BCAS3: variants seen among roughly 807,000 people sequenced by gnomAD.
BCAS3 encodes the protein BCAS3 microtubule associated cell migration factor, also known as BCAS4/BCAS3 fusion.
Under a neutral mutation model 116.1 loss-of-function variants are expected in BCAS3, and 53 were observed. The observed-to-expected ratio is 0.46, with a 90% CI of 0.37 to 0.57. The LOEUF (loss-of-function observed/expected upper bound fraction) is 0.57, where lower values mean the gene tolerates loss of function less well. BCAS3 is among the 20% of genes least tolerant of loss of function. The probability of loss-of-function intolerance (pLI) is 0.00; values close to 1 mark genes in which losing one functional copy is unlikely to be tolerated. For missense variants in BCAS3, 917 were observed against 1,165.4 expected, an observed-to-expected ratio of 0.79 and a Z score of 3.10; for synonymous variants, 391 against 408.2, an observed-to-expected ratio of 0.96 and a Z score of 0.51.
chr17:60,839,175 G>A (rs2051650426), intron 7 of BCAS3, among the ~76,000 whole-genome samples: 1 of 151,960 alleles, frequency 6.6e-6, no homozygotes, highest in African/African-American at 2.4e-5. Context: ...TTACCATTGT[G>A]GAACATTAAA....
At chr17:61,006,667 A>T (rs2064738238) in intron 15 of BCAS3, among the ~76,000 whole-genome samples, 1 of 151,966 alleles carries the variant, frequency 6.6e-6, no homozygotes, top group Admixed American at 6.6e-5. Context: ...TAATTCAGGG[A>T]TTTTTCATTA....
intron 22 of BCAS3, among the ~76,000 whole-genome samples, chr17:61,342,488 A>C (rs186055255): frequency 1.3e-5 from 2 of 152,228 alleles, no homozygotes; most frequent in East Asian, 3.9e-4. Flanking sequence ...CTTGATCCTC[A>C]GGCCCAGTGA....
chr17:61,116,520 TTTAGAAAAC>T (rs1182697089), intron 22 of BCAS3, among the ~76,000 whole-genome samples: 1 of 152,174 alleles, frequency 6.6e-6, no homozygotes, highest in Non-Finnish European at 1.5e-5. Context: ...TCACACATAA[TTTAGAAAAC>T]TTAGGAGGAG....
At chr17:61,373,968 A>G (rs1267687849) in intron 23 of BCAS3, among the ~76,000 whole-genome samples, 1 of 148,844 alleles carries the variant, frequency 6.7e-6, no homozygotes, top group Non-Finnish European at 1.5e-5. Context: ...GGCGTGCGCC[A>G]CCATGCCCAG....
chr17:60,727,209 G>T, intron 5 of BCAS3: 3 of 932,544 alleles, frequency 3.2e-6, no homozygotes, highest in South Asian at 1.3e-5. Context: ...TCTCCTCCCG[G>T]TTCAAAATGC....
At chr17:61,143,947 G>A (rs1226821891) in intron 22 of BCAS3, among the ~76,000 whole-genome samples, 3 of 152,220 alleles carry the variant, frequency 2.0e-5, no homozygotes, top group Non-Finnish European at 4.4e-5. Context: ...GAAGCACCAA[G>A]TAGATGGTGA....
rs978788112 is a variant in BCAS3, at chr17:61,136,347, C to T, written c.2425+51783C>T. On this transcript the variant is annotated intron_variant, in intron 22 of 23. Transcript: ENST00000407086. This position sits in a 1 kb window ranked among gnomAD's most constrained non-coding sequence, Gnocchi z 4.4. ...ACAGTAAGCTTTTTCAAGACAGATA[C>T]TGTCTCTTCTTCATCTCTATATCTG... Among the ~76,000 whole-genome samples the T allele has an allele frequency of 2.0e-5, 3 of 152,206 alleles. No individual in the cohort carries two copies. Among genetic ancestry groups the T allele is most frequent in the African/African-American group, 4.8e-5 (2 of 41,458 alleles).
chr17:61,107,006 C>CTTCA (rs2074699523), intron 22 of BCAS3, among the ~76,000 whole-genome samples: 1 of 150,730 alleles, frequency 6.6e-6, no homozygotes, highest in African/African-American at 2.4e-5. Context: ...TCAATTTGTG[C>CTTCA]TTCATTCATT....
chr17:61,057,622 G>T (rs1271996942), intron 19 of BCAS3, among the ~76,000 whole-genome samples: 1 of 151,814 alleles, frequency 6.6e-6, no homozygotes, highest in Non-Finnish European at 1.5e-5. Context: ...CATGTTAAAA[G>T]AGGAGGAAAC....
chr17:61,182,628 C>T (rs2144179932), intron 22 of BCAS3, among the ~76,000 whole-genome samples: 1 of 152,298 alleles, frequency 6.6e-6, no homozygotes, highest in Non-Finnish European at 1.5e-5. Context: ...TTAGAATATT[C>T]CTATTACCCT....
Position 61,104,255 on chromosome 17 carries a change from T to C in BCAS3, c.2425+19691T>C, listed in dbSNP as rs1326502754. Among the ~76,000 whole-genome samples, 1 of 152,162 alleles carries C rather than the reference T, an allele frequency of 6.6e-6. No homozygotes were observed. The highest frequency in any genetic ancestry group is 1.5e-5 in the Non-Finnish European group (1 of 68,032). On this transcript the variant is annotated intron_variant, in intron 22 of 23. Transcript: ENST00000407086. The surrounding 1 kb of genome is among the most constrained non-coding windows in gnomAD (Gnocchi z 4.1). ...TCATGTCAGCAAAGATGCTGAGAGT[T>C]TTATTCCAGTCTTTTAGGAGGCGAG...
chr17:60,721,145 GA>G, intron 5 of BCAS3, among the ~76,000 whole-genome samples: 1 of 152,170 alleles, frequency 6.6e-6, no homozygotes, highest in African/African-American at 2.4e-5. Flanking sequence ...TGTTAGCCAG[GA>G]AACAGTTTTT....
rs148699753 is a variant in BCAS3 at position 60,767,244 on chromosome 17, G to A, written c.403+19965G>A. On this transcript the variant is annotated intron_variant, in intron 6 of 23. Coordinates refer to ENST00000407086, the MANE Select transcript of BCAS3 (RefSeq NM_017679.5). ...CCAACCAGATGAACCAGGTACCTCA[G>A]TTGGAAATGCAGAAATCACCAATCT... Among the ~76,000 whole-genome samples the A allele has an allele frequency of 2.1e-3, 316 of 151,948 alleles. 2 individuals carry two copies. The highest frequency in any genetic ancestry group is 7.1e-3 in the African/African-American group (296 of 41,450).
At chr17:60,963,840 C>G (rs1353887316) in intron 14 of BCAS3, among the ~76,000 whole-genome samples, 1 of 152,218 alleles carries the variant, frequency 6.6e-6, no homozygotes, top group Non-Finnish European at 1.5e-5. Flanking sequence ...CAGGCGTGAG[C>G]CACCACACCC....
intron 19 of BCAS3, among the ~76,000 whole-genome samples, chr17:61,067,307 A>ATATATT (rs1568271765): frequency 3.0e-5 from 4 of 134,662 alleles, no homozygotes; most frequent in Non-Finnish European, 6.4e-5. Flanking sequence ...ATATATATAT[A>ATATATT]TATATATATT....
chr17:61,289,922 T>A (rs2052221882), intron 22 of BCAS3, among the ~76,000 whole-genome samples: 2 of 152,172 alleles, frequency 1.3e-5, no homozygotes, highest in Admixed American at 1.3e-4. Context: ...GTGTTTATTT[T>A]GCCCCGTGTC....
At chr17:60,852,823 G>C (rs977990203) in intron 7 of BCAS3, among the ~76,000 whole-genome samples, 2 of 152,182 alleles carry the variant, frequency 1.3e-5, no homozygotes, top group African/African-American at 4.8e-5. Flanking sequence ...TGGAATAACA[G>C]GAATGCTCAT....
chr17:61,192,810 T>C (rs2080226229), intron 22 of BCAS3, among the ~76,000 whole-genome samples: 1 of 152,200 alleles, frequency 6.6e-6, no homozygotes, highest in Non-Finnish European at 1.5e-5. Flanking sequence ...ATAATGATAA[T>C]AGAATAGCAA....
At chr17:61,123,377 G>A (rs2075887346) in intron 22 of BCAS3, among the ~76,000 whole-genome samples, 1 of 152,072 alleles carries the variant, frequency 6.6e-6, no homozygotes, top group Admixed American at 6.6e-5. Context: ...CCTCTCAATA[G>A]TTTTGTAGTA....
Sources: allele counts gnomAD v4.1 joint callset (sites outside exome capture counted in the v4.1 genomes callset), GRCh38; gene constraint gnomAD v4.1.1; non-coding constraint Gnocchi (gnomAD v3.1); transcripts MANE v1.5; gene names NCBI Gene and HGNC (gene_info 2026-07-23, HGNC 2026-07-21).